The following TNRC18 variants were observed in gnomAD, a reference collection of about 807,000 sequenced individuals.
TNRC18 encodes trinucleotide repeat-containing gene 18 protein.
Under a neutral mutation model 226.7 loss-of-function variants are expected in TNRC18, and 69 were observed. That is an observed-to-expected ratio of 0.30 (90% CI 0.25 to 0.37). TNRC18 has a LOEUF of 0.37. Ranked by LOEUF, TNRC18 falls within the 10% of genes least tolerant of loss-of-function variation. The pLI, the probability that TNRC18 is intolerant of heterozygous loss-of-function variation, is 1.00. For missense variants in TNRC18, 4,754 were observed against 4,256.6 expected (o/e 1.12, Z -3.25); for synonymous variants, 2,449 against 1,927.6 (o/e 1.27, Z -7.09).
Position 5,324,993 on chromosome 7 carries a change from A to G in TNRC18, c.6300+103T>C, listed in dbSNP as rs1788747346. The G allele has an allele frequency of 2.2e-6, 3 of 1,354,138 alleles. No homozygotes were observed. The highest frequency in any genetic ancestry group is 2.7e-5 in the Admixed American group (1 of 37,340). The allele number at this position is 1,354,138 out of a possible 1,614,324, so 83.9% of individuals were successfully genotyped here. On this transcript the variant is annotated intron_variant, in intron 20 of 29. Coordinates refer to ENST00000430969, the MANE Select transcript of TNRC18 (RefSeq NM_001080495.3). The surrounding 1 kb of genome is among the most constrained non-coding windows in gnomAD (Gnocchi z 4.8). ...CCCGCAACCTCTCTGAGCCACAGCTATAGGGAGGGTGAATACAGAGGAGCA... is the reference window on the plus strand; with the variant it reads ...CCCGCAACCTCTCTGAGCCACAGCTGTAGGGAGGGTGAATACAGAGGAGCA...
intron 18 of TNRC18, among the ~76,000 whole-genome samples, chr7:5,344,369 G>A (rs1465813919): frequency 6.6e-6 from 1 of 152,182 alleles, no homozygotes; most frequent in African/African-American, 2.4e-5. Flanking sequence ...GCTTCTGTAT[G>A]AACAATACCT....
Position 5,312,564 on chromosome 7 carries a change from G to A in TNRC18, c.8327C>T (p.Pro2776Leu). Reference sequence around the variant, plus strand: ...GGCTGGCAGGAAGGCGGCGATCTTGGGCCGGTTCTCCACGGACGGCAGGCG... The same window carrying A: ...GGCTGGCAGGAAGGCGGCGATCTTGAGCCGGTTCTCCACGGACGGCAGGCG... ...RQRLPSVENR[P>L]KIAAFLPARQ... The change falls in exon 27 of 30, where the codon CCC (proline) becomes CTC (leucine). Residue 2776 changes from proline to leucine, a missense_variant. Coordinates refer to ENST00000430969, the MANE Select transcript of TNRC18 (RefSeq NM_001080495.3). This position sits in a 1 kb window ranked among gnomAD's most constrained non-coding sequence, Gnocchi z 6.3. 6.2e-7 allele frequency: 1 copy of A among 1,611,384 alleles called. No individual in the cohort carries two copies. Among genetic ancestry groups the A allele is most frequent in the Non-Finnish European group, 8.5e-7 (1 of 1,179,384 alleles).
At position 5,356,827 on chromosome 7, in the gene TNRC18, G is replaced by C. The variant is rs1158222503; in HGVS notation, c.5194+89C>G. The C allele has an allele frequency of 7.5e-6, 9 of 1,201,994 alleles. No individual in the cohort carries two copies. In the African/African-American group the frequency reaches 1.0e-4, roughly 14 times the overall value. The allele number at this position is 1,201,994 out of a possible 1,614,324, so 74.5% of individuals were successfully genotyped here. A position where few individuals can be genotyped will look rare whatever the true frequency, so the allele number is the denominator to read the frequency against. On this transcript the variant is annotated intron_variant, in intron 16 of 29. Transcript: ENST00000430969. ...GAGCGAGAGCGAGAGAGAGAGTGAG[G>C]GGCGGGGGGGGAAGGAGGACGGTGG...
chr7:5,333,899 A>C (rs1376858872), intron 18 of TNRC18, among the ~76,000 whole-genome samples: 1 of 152,184 alleles, frequency 6.6e-6, no homozygotes, highest in Non-Finnish European at 1.5e-5. Flanking sequence ...GTCCCAGCTT[A>C]TCCCAGCCTG....
At position 5,359,578 on chromosome 7, in the gene TNRC18, C is replaced by CAGACACACT. The variant is rs780240709; in HGVS notation, c.4662-18_4662-10dup. ...GAGACTTGCTGCTCAGCCTGAAACG[C>CAGACACACT]AGACACACTGCCGGTCAGCACCCTG... On this transcript the variant is annotated splice_polypyrimidine_tract_variant and intron_variant, in intron 14 of 29. Transcript: ENST00000430969. 15 of 1,613,444 alleles carry CAGACACACT rather than the reference C, an allele frequency of 9.3e-6. No individual in the cohort carries two copies. The highest frequency in any genetic ancestry group is 1.3e-5 in the Non-Finnish European group (15 of 1,179,896).
intron 5 of TNRC18, among the ~76,000 whole-genome samples, chr7:5,380,033 C>T (rs2128184440): frequency 6.6e-6 from 1 of 152,328 alleles, no homozygotes; most frequent in South Asian, 2.1e-4. Context: ...ACCCAGCTGT[C>T]CTAACTGGGG....
chr7:5,338,926 GA>G lies in TNRC18; in HGVS notation c.5720-5878del, dbSNP rs778716584. Among the ~76,000 whole-genome samples, 626 of 64,328 alleles carry G rather than the reference GA, an allele frequency of 9.7e-3. 4 individuals carry two copies. The highest frequency in any genetic ancestry group is 0.024 in the African/African-American group (464 of 19,722). The allele number at this position is 64,328 out of a possible 152,430, so 42.2% of individuals were successfully genotyped here. On this transcript the variant is annotated intron_variant, in intron 18 of 29. Transcript: ENST00000430969. ...TGAGAGCGAAACTCCATCTCAAAAG[GA>G]AAAAAAAAAAAAAAAAAAAAGGCAT...
At chr7:5,355,741 G>A (rs1032363496) in intron 16 of TNRC18, among the ~76,000 whole-genome samples, 2 of 152,138 alleles carry the variant, frequency 1.3e-5, no homozygotes, top group Admixed American at 6.5e-5. Flanking sequence ...TTAGCCGGGT[G>A]TGGTGGTGCT....
intron 11 of TNRC18, among the ~76,000 whole-genome samples, chr7:5,363,462 G>A (rs1237774412): frequency 6.6e-6 from 1 of 152,162 alleles, no homozygotes; most frequent in African/African-American, 2.4e-5. Context: ...AAATTAGCCG[G>A]GTGTGGTGGC....
chr7:5,373,995 T>TG, intron 10 of TNRC18, 60 bp downstream of exon 10: 1 of 1,298,356 alleles, frequency 7.7e-7, no homozygotes, highest in Non-Finnish European at 1.0e-6. Context: ...AAAAGATGGA[T>TG]GAGCAGTTTT....
At position 5,349,265 on chromosome 7, in the gene TNRC18, G is replaced by A. The variant is rs934438837; in HGVS notation, c.5470+2554C>T. On this transcript the variant is annotated intron_variant, in intron 17 of 29. Coordinates refer to ENST00000430969, the MANE Select transcript of TNRC18 (RefSeq NM_001080495.3). ...TCTGGTGCACACCCCGCTAGCGTCCGCAGCAGGCTGGGGAGCAGAGGGGCT... is the reference window on the plus strand; with the variant it reads ...TCTGGTGCACACCCCGCTAGCGTCCACAGCAGGCTGGGGAGCAGAGGGGCT... Among the ~76,000 whole-genome samples, 14 of 152,278 alleles carry A rather than the reference G, an allele frequency of 9.2e-5. 1 individual carries two copies. The highest frequency in any genetic ancestry group is 3.9e-4 in the East Asian group (2 of 5,174).
chr7:5,319,770 A>C (rs1410487006), intron 24 of TNRC18, among the ~76,000 whole-genome samples: 2 of 152,148 alleles, frequency 1.3e-5, no homozygotes, highest in Non-Finnish European at 2.9e-5. Context: ...TCGGCCTCCC[A>C]AAGTGCTGGG....
intron 2 of TNRC18, among the ~76,000 whole-genome samples, chr7:5,409,063 A>G (rs979132412): frequency 2.0e-5 from 3 of 152,152 alleles, no homozygotes; most frequent in African/African-American, 7.2e-5. Context: ...TGAGATATAC[A>G]AGGTCAACAA....
At position 5,377,697 on chromosome 7, in the gene TNRC18, G is replaced by A. The variant is rs570984598; in HGVS notation, c.2256-121C>T. 329 of 1,168,964 alleles carry A rather than the reference G, an allele frequency of 2.8e-4. No homozygotes were observed. In the African/African-American group the frequency reaches 2.8e-3, roughly 10 times the overall value. The allele number at this position is 1,168,964 out of a possible 1,614,324, so 72.4% of individuals were successfully genotyped here. ...CCATGAGTCAGGACAACCACTGCTC[G>A]GAACTGAAGGGCCTCCCGGGGCCTT... On this transcript the variant is annotated intron_variant, in intron 6 of 29. Coordinates refer to ENST00000430969, the MANE Select transcript of TNRC18 (RefSeq NM_001080495.3). The surrounding 1 kb of genome is among the most constrained non-coding windows in gnomAD (Gnocchi z 5.8).
At chr7:5,340,802 T>C (rs147711982) in intron 18 of TNRC18, among the ~76,000 whole-genome samples, 20 of 151,444 alleles carry the variant, frequency 1.3e-4, no homozygotes, top group Admixed American at 3.3e-4. Context: ...AATGCAAGGA[T>C]AAGCAGCCGG....
chr7:5,372,370 C>T (rs1794241353), intron 10 of TNRC18, among the ~76,000 whole-genome samples: 1 of 151,718 alleles, frequency 6.6e-6, no homozygotes, highest in African/African-American at 2.4e-5. Context: ...AGCCACTGTG[C>T]CCGGCCGTGC....
chr7:5,388,284 C>G lies in TNRC18; in HGVS notation c.1540G>C (p.Glu514Gln), dbSNP rs760911745. 7 of 1,607,780 alleles carry G rather than the reference C, an allele frequency of 4.4e-6. No homozygotes were observed. Among genetic ancestry groups the G allele is most frequent in the Non-Finnish European group, 5.9e-6 (7 of 1,177,600 alleles). ...TGCGTGGCGGCGAAGTTGCCCAGCTCGAAGGGTTTCCATTTATGCTCAGGG... is the reference window on the plus strand; with the variant it reads ...TGCGTGGCGGCGAAGTTGCCCAGCTGGAAGGGTTTCCATTTATGCTCAGGG... ...TGPEHKWKPF[E>Q]LGNFAATQMA... The change falls in exon 5 of 30, where the codon GAG becomes CAG. Residue 514 changes from glutamate to glutamine, a missense_variant. Glu to Gln is a conservative substitution (Grantham distance 29). Coordinates refer to ENST00000430969, the MANE Select transcript of TNRC18 (RefSeq NM_001080495.3).
In TNRC18 at chr7:5,359,551, C is replaced by T. The variant is rs890794370; in HGVS notation, c.4680G>A (p.Leu1560=). ...HSSGKLSSKS[L]LTSDDYELGA... is the part of the protein sequence containing the mutation. ...CCAGCTCATAATCATCTGATGTCAGCAGAGACTTGCTGCTCAGCCTGAAAC... is the reference window on the plus strand; with the variant it reads ...CCAGCTCATAATCATCTGATGTCAGTAGAGACTTGCTGCTCAGCCTGAAAC... Residue 1560 remains leucine (L), a synonymous_variant, in exon 15 of 30, where the codon CTG becomes CTA. Transcript: ENST00000430969. The T allele has an allele frequency of 2.5e-6, 4 of 1,613,826 alleles. No homozygotes were observed. The highest frequency in any genetic ancestry group is 1.1e-5 in the South Asian group (1 of 91,084).
chr7:5,317,771 T>A (rs1429637083), intron 24 of TNRC18, among the ~76,000 whole-genome samples: 1 of 151,024 alleles, frequency 6.6e-6, no homozygotes, highest in Admixed American at 6.6e-5. Context: ...AATGGCGCAA[T>A]CATAGCTCAC....
Sources: allele counts gnomAD v4.1 joint callset (sites outside exome capture counted in the v4.1 genomes callset), GRCh38; gene constraint gnomAD v4.1.1; non-coding constraint Gnocchi (gnomAD v3.1); transcripts MANE v1.5; gene names NCBI Gene and HGNC (gene_info 2026-07-23, HGNC 2026-07-21).